The following ZNF385D variants were observed in gnomAD, a reference collection of about 807,000 sequenced individuals.
The protein encoded by ZNF385D is zinc finger protein 385D, also known as zinc finger protein 659.
ZNF385D carries 15 observed loss-of-function variants against 35.8 expected under a neutral mutation model. The ratio of observed to expected loss-of-function variants is 0.42; its 90% CI spans 0.28 to 0.64. The LOEUF is 0.64. Among genes scored for constraint, ZNF385D ranks in the 30% least tolerant of loss-of-function variants. ZNF385D has a pLI of 0.23. For missense variants in ZNF385D, 474 were observed against 494.6 expected, an observed-to-expected ratio of 0.96 and a Z score of 0.39; for synonymous variants, 212 against 186.8, an observed-to-expected ratio of 1.13 and a Z score of -1.10.
At chr3:21,884,711 C>T (rs1261184130) in intron 3 of ZNF385D, among the ~76,000 whole-genome samples, 1 of 151,976 alleles carries the variant, frequency 6.6e-6, no homozygotes, top group Non-Finnish European at 1.5e-5. Flanking sequence ...AGTGGAAATA[C>T]TATATAATTG....
chr3:21,450,428 A>T (rs1489151512), intron 4 of ZNF385D, among the ~76,000 whole-genome samples: 1 of 152,222 alleles, frequency 6.6e-6, no homozygotes, highest in Non-Finnish European at 1.5e-5. Flanking sequence ...TTAAGATTTC[A>T]ATCTGCTCCC....
In ZNF385D at chr3:21,799,742, A is replaced by G. The variant is rs561644146; in HGVS notation, c.326-134714T>C. 3.3e-5 allele frequency among the ~76,000 whole-genome samples: 5 copies of G among 152,256 alleles called. No individual in the cohort carries two copies. In the South Asian group the frequency reaches 1.0e-3, roughly 32 times the overall value. ...GTTGTATTTCACTTATTTATAATAC[A>G]TGCAAATTTGAATTTTGAAGTCCAT... On this transcript the variant is annotated intron_variant, in intron 3 of 5. Coordinates refer to the ZNF385D transcript ENST00000494108.
At chr3:22,334,371 T>C (rs1446125895) in intron 2 of ZNF385D, among the ~76,000 whole-genome samples, 2 of 152,298 alleles carry the variant, frequency 1.3e-5, no homozygotes, top group Non-Finnish European at 2.9e-5. Flanking sequence ...ATCAAAGGGC[T>C]TTCTAATATG....
At chr3:21,899,518 A>G (rs76017936) in intron 3 of ZNF385D, among the ~76,000 whole-genome samples, 257 of 152,206 alleles carry the variant, frequency 1.7e-3, no homozygotes, top group African/African-American at 5.9e-3. Context: ...CATTTACAAC[A>G]AGTTCCCAGG....
At chr3:22,030,276 T>TATATATCCTATACAAATAACAAATAAG (rs1553591274) in intron 3 of ZNF385D, among the ~76,000 whole-genome samples, 1 of 103,612 alleles carries the variant, frequency 9.7e-6, no homozygotes, top group Non-Finnish European at 1.9e-5. Flanking sequence ...TATATATATA[T>TATATATCCTATACAAATAACAAATAAG]ATATATATAT....
intron 2 of ZNF385D, among the ~76,000 whole-genome samples, chr3:22,315,094 C>T (rs1703812375): frequency 6.6e-6 from 1 of 151,954 alleles, no homozygotes; most frequent in African/African-American, 2.4e-5. Context: ...AGGTAATATT[C>T]ACAAATAGAG....
intron 2 of ZNF385D, among the ~76,000 whole-genome samples, chr3:22,212,115 C>A (rs1380427396): frequency 6.6e-6 from 1 of 151,964 alleles, no homozygotes; most frequent in Admixed American, 6.6e-5. Flanking sequence ...CCTCTGTTTT[C>A]TCCTTCAAAT....
chr3:21,635,361 T>C (rs931244271), intron 2 of ZNF385D, among the ~76,000 whole-genome samples: 1 of 152,108 alleles, frequency 6.6e-6, no homozygotes, highest in African/African-American at 2.4e-5. Flanking sequence ...TAATATATAT[T>C]AACTAATTTA....
At chr3:21,724,021 C>A (rs1159312627) in intron 1 of ZNF385D, among the ~76,000 whole-genome samples, 36 of 152,162 alleles carry the variant, frequency 2.4e-4, no homozygotes. Context: ...AAAGAATGTT[C>A]AAGCTAGAAT....
intron 3 of ZNF385D, among the ~76,000 whole-genome samples, chr3:21,956,248 A>C (rs2125308183): frequency 6.6e-6 from 1 of 152,008 alleles, no homozygotes; most frequent in African/African-American, 2.4e-5. Flanking sequence ...GAAATGAAAA[A>C]GAAAAAGAAC....
intron 3 of ZNF385D, among the ~76,000 whole-genome samples, chr3:22,058,550 A>G (rs970633543): frequency 6.6e-6 from 1 of 152,244 alleles, no homozygotes; most frequent in African/African-American, 2.4e-5. Flanking sequence ...GAGGCAGATG[A>G]GATCTTGGTA....
chr3:21,531,835 C>A (rs2061929696), intron 3 of ZNF385D, among the ~76,000 whole-genome samples: 1 of 152,176 alleles, frequency 6.6e-6, no homozygotes, highest in African/African-American at 2.4e-5. Context: ...TCTAAATCTG[C>A]TCAAACCCAT....
At chr3:21,511,273 A>G (rs750973289) in intron 3 of ZNF385D, among the ~76,000 whole-genome samples, 4 of 152,174 alleles carry the variant, frequency 2.6e-5, no homozygotes, top group Non-Finnish European at 5.9e-5. Flanking sequence ...ACACTGACAC[A>G]TCAACAACAT....
intron 3 of ZNF385D, among the ~76,000 whole-genome samples, chr3:22,081,163 C>A (rs1700732611): frequency 1.3e-5 from 2 of 152,150 alleles, no homozygotes; most frequent in African/African-American, 4.8e-5. Context: ...AATAAATGTT[C>A]AATCTATGAT....
At chr3:22,060,466 T>C (rs758456991) in intron 3 of ZNF385D, among the ~76,000 whole-genome samples, 17 of 152,336 alleles carry the variant, frequency 1.1e-4, no homozygotes, top group East Asian at 5.8e-4. Flanking sequence ...AGGAATAGCA[T>C]AGTGAGGACT....
chr3:21,935,428 G>C (rs1701211564), intron 3 of ZNF385D, among the ~76,000 whole-genome samples: 1 of 152,026 alleles, frequency 6.6e-6, no homozygotes, highest in African/African-American at 2.4e-5. Flanking sequence ...AAGAAATTGG[G>C]ACATAGATAT....
intron 3 of ZNF385D, among the ~76,000 whole-genome samples, chr3:21,875,150 G>A (rs565956752): frequency 7.9e-5 from 12 of 152,018 alleles, no homozygotes; most frequent in Non-Finnish European, 1.6e-4. Flanking sequence ...TTTCTTTGGT[G>A]TGAAGTACGT....
At chr3:22,050,366 A>G (rs1284042685) in intron 3 of ZNF385D, among the ~76,000 whole-genome samples, 2 of 150,028 alleles carry the variant, frequency 1.3e-5, no homozygotes, top group Non-Finnish European at 3.0e-5. Context: ...TGTCAAAAAA[A>G]CAAACAAACA....
intron 3 of ZNF385D, among the ~76,000 whole-genome samples, chr3:21,804,062 T>C (rs2072525945): frequency 6.6e-6 from 1 of 152,190 alleles, no homozygotes. Context: ...AAGGATTTTA[T>C]AGAGGTGTAA....
Sources: gnomAD v4.1 joint callset for allele counts (sites outside exome capture counted in the v4.1 genomes callset) on GRCh38, gnomAD v4.1.1 for gene constraint, MANE v1.5 for transcripts, NCBI Gene and HGNC (gene_info 2026-07-23, HGNC 2026-07-21) for gene names.